GPC5: variants seen among roughly 807,000 people sequenced by gnomAD.
GPC5 encodes glypican-5.
A neutral mutation model predicts 53.9 loss-of-function variants in GPC5; 47 were observed. The ratio of observed to expected loss-of-function variants is 0.87; its 90% CI spans 0.69 to 1.11. The LOEUF (loss-of-function observed/expected upper bound fraction) is 1.11, where lower values mean the gene tolerates loss of function less well. Ranked by LOEUF, GPC5 falls within the 50% of genes most tolerant of loss-of-function variation. The pLI is 0.00. For missense variants in GPC5, 748 were observed against 713.1 expected (o/e 1.05, Z -0.56); for synonymous variants, 286 against 263.3 (o/e 1.09, Z -0.84).
intron 5 of GPC5, among the ~76,000 whole-genome samples, chr13:91,831,073 TA>T (rs958770744): frequency 3.2e-4 from 45 of 140,410 alleles, no homozygotes; most frequent in African/African-American, 1.2e-3. Context: ...TATATCCTAT[TA>T]TTATATATAA....
chr13:91,923,765 A>G (rs901444650), intron 6 of GPC5, among the ~76,000 whole-genome samples: 42 of 152,298 alleles, frequency 2.8e-4, no homozygotes, highest in African/African-American at 9.4e-4. Flanking sequence ...CTGGGAATAT[A>G]TTATCAAACC....
chr13:91,513,354 T>TTGTGTG lies in GPC5; in HGVS notation c.325+64452_325+64457dup, dbSNP rs139449591. 9.7e-3 allele frequency among the ~76,000 whole-genome samples: 1,452 copies of TTGTGTG among 149,560 alleles called. 22 individuals carry two copies. Among genetic ancestry groups the TTGTGTG allele is most frequent in the African/African-American group, 0.03 (1,215 of 40,912 alleles). On this transcript the variant is annotated intron_variant, in intron 2 of 7. Transcript: ENST00000377067. The stretch of plus-strand genomic sequence containing the variant: ...TTTCACTAATTTTACTTGTTTTCAT[T>TTGTGTG]TGTGTGTGTGTGTGTGTGTGTGTGT...
intron 7 of GPC5, among the ~76,000 whole-genome samples, chr13:92,165,385 G>GA (rs1233118098): frequency 6.6e-6 from 1 of 152,090 alleles, no homozygotes; most frequent in Non-Finnish European, 1.5e-5. Flanking sequence ...ACACTGCTAT[G>GA]AAAAAATACC....
chr13:92,015,354 TC>T (rs1252581820), intron 6 of GPC5, among the ~76,000 whole-genome samples: 1 of 152,146 alleles, frequency 6.6e-6, no homozygotes, highest in Non-Finnish European at 1.5e-5. Context: ...TTCTATAAAA[TC>T]CCCTTTTATA....
At chr13:92,465,855 C>A (rs1357180544) in intron 7 of GPC5, among the ~76,000 whole-genome samples, 1 of 151,718 alleles carries the variant, frequency 6.6e-6, no homozygotes, top group Admixed American at 6.6e-5. Flanking sequence ...GTGTAATAAG[C>A]CAGACACAGA....
intron 7 of GPC5, among the ~76,000 whole-genome samples, chr13:92,252,269 TG>T (rs2042697629): frequency 6.6e-6 from 1 of 152,124 alleles, no homozygotes; most frequent in Non-Finnish European, 1.5e-5. Flanking sequence ...AAGAAATTAA[TG>T]TTTGGATAAA....
At chr13:91,973,296 G>C (rs1265625383) in intron 6 of GPC5, among the ~76,000 whole-genome samples, 1 of 151,968 alleles carries the variant, frequency 6.6e-6, no homozygotes, top group East Asian at 1.9e-4. Context: ...CATAGTTCTC[G>C]AGCCTTGGCT....
intron 7 of GPC5, among the ~76,000 whole-genome samples, chr13:92,518,348 A>G (rs1386893934): frequency 6.6e-6 from 1 of 152,202 alleles, no homozygotes; most frequent in Non-Finnish European, 1.5e-5. Context: ...AGTTGAAATG[A>G]AGGAAAAAAT....
chr13:91,406,147 C>T (rs931650617), intron 1 of GPC5, among the ~76,000 whole-genome samples: 4 of 152,286 alleles, frequency 2.6e-5, no homozygotes, highest in African/African-American at 7.2e-5. Flanking sequence ...CCAGTCCTAA[C>T]GTGTACCTTA....
intron 5 of GPC5, among the ~76,000 whole-genome samples, chr13:91,817,331 G>C (rs1218787493): frequency 6.6e-6 from 1 of 152,136 alleles, no homozygotes; most frequent in African/African-American, 2.4e-5. Flanking sequence ...TGTTACAAAA[G>C]AATCAGGATA....
intron 2 of GPC5, among the ~76,000 whole-genome samples, chr13:91,609,092 A>C (rs1053629036): frequency 7.7e-5 from 8 of 104,304 alleles, no homozygotes; most frequent in Non-Finnish European, 1.3e-4. Context: ...AAGGAAAATC[A>C]ATCTTTCAGG....
At chr13:92,327,887 T>G (rs927771703) in intron 7 of GPC5, among the ~76,000 whole-genome samples, 1 of 152,146 alleles carries the variant, frequency 6.6e-6, no homozygotes, top group Non-Finnish European at 1.5e-5. Context: ...GTGCAACTTC[T>G]TATATGTCTG....
chr13:92,270,558 C>T (rs2042833122), intron 7 of GPC5, among the ~76,000 whole-genome samples: 2 of 152,146 alleles, frequency 1.3e-5, no homozygotes, highest in Non-Finnish European at 2.9e-5. Flanking sequence ...AACCTCTTTT[C>T]TTTGTAAGTT....
intron 7 of GPC5, among the ~76,000 whole-genome samples, chr13:92,366,135 T>C (rs2043605963): frequency 6.6e-6 from 1 of 151,694 alleles, no homozygotes; most frequent in Non-Finnish European, 1.5e-5. Context: ...CACTAGGTGA[T>C]AGGAATTTTT....
intron 7 of GPC5, among the ~76,000 whole-genome samples, chr13:92,715,051 C>T (rs949365460): frequency 6.6e-6 from 1 of 152,186 alleles, no homozygotes; most frequent in East Asian, 1.9e-4. Flanking sequence ...GACGACAGAG[C>T]AAGACTTCCT....
chr13:92,489,041 C>A (rs754031326), intron 7 of GPC5, among the ~76,000 whole-genome samples: 12 of 152,126 alleles, frequency 7.9e-5, no homozygotes, highest in Non-Finnish European at 1.8e-4. Flanking sequence ...TTCTATTTGA[C>A]TCAATTATGC....
chr13:91,637,821 T>C (rs2034321611), intron 2 of GPC5, among the ~76,000 whole-genome samples: 1 of 152,216 alleles, frequency 6.6e-6, no homozygotes, highest in South Asian at 2.1e-4. Flanking sequence ...GATTTTGTTT[T>C]CCAAGACCAT....
intron 7 of GPC5, among the ~76,000 whole-genome samples, chr13:92,631,839 T>A (rs1885250551): frequency 6.6e-6 from 1 of 152,172 alleles, no homozygotes; most frequent in African/African-American, 2.4e-5. Flanking sequence ...AACAGTTTAT[T>A]CAGTGCTTTC....
At chr13:92,021,223 CAAAT>C (rs779370929) in intron 6 of GPC5, among the ~76,000 whole-genome samples, 1 of 152,018 alleles carries the variant, frequency 6.6e-6, no homozygotes, top group Non-Finnish European at 1.5e-5. Flanking sequence ...GATTTGGAAA[CAAAT>C]AAATCCCCAT....
Sources: gnomAD v4.1 joint callset for allele counts (sites outside exome capture counted in the v4.1 genomes callset) on GRCh38, gnomAD v4.1.1 for gene constraint, MANE v1.5 for transcripts, NCBI Gene and HGNC (gene_info 2026-07-23, HGNC 2026-07-21) for gene names.